Variants in MEGF11 observed in about 807,000 individuals in gnomAD.
MEGF11 encodes multiple EGF like domains 11.
MEGF11 carries 126 observed loss-of-function variants against 146.6 expected under a neutral mutation model. The ratio of observed to expected loss-of-function variants is 0.86; its 90% CI spans 0.74 to 1.00. The LOEUF is 1.00. Among genes scored for constraint, MEGF11 ranks in the 50% least tolerant of loss-of-function variants. MEGF11 has a pLI of 0.00. For missense variants in MEGF11, 1,509 were observed against 1,521.2 expected (o/e 0.99, Z 0.13); for synonymous variants, 532 against 583.4 (o/e 0.91, Z 1.27).
intron 1 of MEGF11, among the ~76,000 whole-genome samples, chr15:66,231,180 G>C (rs1183258432): frequency 2.0e-5 from 3 of 151,894 alleles, no homozygotes; most frequent in African/African-American, 7.3e-5. Context: ...GGAAATGCAG[G>C]CTGCAACAGA....
intron 5 of MEGF11, among the ~76,000 whole-genome samples, chr15:66,041,996 T>C (rs2083999781): frequency 6.6e-6 from 1 of 152,144 alleles, no homozygotes. Context: ...AGGGTTCATG[T>C]ACAAGATCCT....
intron 7 of MEGF11, 74 bp downstream of exon 7, chr15:65,980,703 AG>A: frequency 6.8e-7 from 1 of 1,470,096 alleles, no homozygotes; most frequent in Non-Finnish European, 9.0e-7. Context: ...CGGCTAGTTT[AG>A]CCTTTTAAGG....
chr15:66,031,943 G>A (rs1238278688), intron 5 of MEGF11, among the ~76,000 whole-genome samples: 1 of 152,238 alleles, frequency 6.6e-6, no homozygotes, highest in Non-Finnish European at 1.5e-5. Flanking sequence ...CAGCAGGTGA[G>A]CGAGCATTAC....
intron 4 of MEGF11, among the ~76,000 whole-genome samples, chr15:66,099,087 G>T (rs1290932669): frequency 6.6e-6 from 1 of 152,164 alleles, no homozygotes; most frequent in Non-Finnish European, 1.5e-5. Flanking sequence ...GGCTGATAAG[G>T]TAGAAGGACA....
At chr15:66,099,801 A>G (rs2086710552) in intron 4 of MEGF11, among the ~76,000 whole-genome samples, 1 of 152,178 alleles carries the variant, frequency 6.6e-6, no homozygotes, top group African/African-American at 2.4e-5. Flanking sequence ...GAGCATGCTC[A>G]GGCTCATTTC....
rs527612394 is a variant in MEGF11, at chr15:65,914,367, G to A, written c.2474-394C>T. On this transcript the variant is annotated intron_variant, in intron 19 of 25. Transcript: ENST00000395614. ...CAAGATTACATAACCTATAATTGGC[G>A]GAGTCAGGAAAAATTGAACACAGCT... is the stretch of plus-strand genomic sequence containing the variant. Among the ~76,000 whole-genome samples, 37 of 152,216 alleles carry A rather than the reference G, an allele frequency of 2.4e-4. No individual in the cohort carries two copies. In the South Asian group the frequency reaches 6.4e-3, roughly 26 times the overall value.
intron 5 of MEGF11, among the ~76,000 whole-genome samples, chr15:66,016,479 G>GTT (rs58588643): frequency 0.064 from 8,124 of 127,486 alleles, 472 homozygotes; most frequent in African/African-American, 0.14. Flanking sequence ...CATCCATTCA[G>GTT]TTTTTTTTTT....
chr15:66,037,957 C>G (rs187914226), intron 5 of MEGF11, among the ~76,000 whole-genome samples: 1 of 152,200 alleles, frequency 6.6e-6, no homozygotes, highest in East Asian at 1.9e-4. Context: ...GAATAATTAA[C>G]AGGAAATGTA....
chr15:65,899,776 A>C (rs2078447744), intron 24 of MEGF11, among the ~76,000 whole-genome samples: 1 of 152,160 alleles, frequency 6.6e-6, no homozygotes. Context: ...TGTCAATGCT[A>C]ACTGAAACCT....
intron 5 of MEGF11, among the ~76,000 whole-genome samples, chr15:66,065,701 G>A (rs1567224948): frequency 1.3e-5 from 2 of 152,182 alleles, no homozygotes; most frequent in Non-Finnish European, 2.9e-5. Flanking sequence ...TTGCATTATT[G>A]ATTGCAATAC....
intron 4 of MEGF11, among the ~76,000 whole-genome samples, chr15:66,099,853 C>T (rs1423515088): frequency 2.0e-5 from 3 of 151,918 alleles, no homozygotes; most frequent in Non-Finnish European, 2.9e-5. Context: ...AGGCAGGGAG[C>T]GGGTGGGGAG....
At chr15:66,192,263 T>C (rs986971872) in intron 1 of MEGF11, among the ~76,000 whole-genome samples, 13 of 151,344 alleles carry the variant, frequency 8.6e-5, no homozygotes, top group African/African-American at 3.2e-4. Context: ...AGGCCAGGAA[T>C]TGGAGACCAG....
chr15:66,169,396 G>A (rs1226334809), intron 1 of MEGF11, among the ~76,000 whole-genome samples: 1 of 152,246 alleles, frequency 6.6e-6, no homozygotes, highest in East Asian at 1.9e-4. Flanking sequence ...GGGACCAGCA[G>A]AGCCAAATGT....
At chr15:65,909,680 A>G (rs898307228) in intron 22 of MEGF11, 60 bp downstream of exon 22, 86 of 1,470,932 alleles carry the variant, frequency 5.8e-5, no homozygotes, top group Middle Eastern at 1.7e-4. Flanking sequence ...GTGCTTCTCA[A>G]TATGGAAGAA....
chr15:65,900,254 A>T (rs909127229), intron 24 of MEGF11, among the ~76,000 whole-genome samples: 1 of 152,216 alleles, frequency 6.6e-6, no homozygotes, highest in Non-Finnish European at 1.5e-5. Context: ...CACTAGAACT[A>T]CCACAGTTTA....
chr15:66,029,033 G>A (rs2083429287), intron 5 of MEGF11, among the ~76,000 whole-genome samples: 1 of 152,176 alleles, frequency 6.6e-6, no homozygotes, highest in South Asian at 2.1e-4. Flanking sequence ...TGATGTTTGG[G>A]GGTCTCCGAA....
At chr15:65,995,082 G>C (rs182574001) in intron 5 of MEGF11, among the ~76,000 whole-genome samples, 1 of 152,296 alleles carries the variant, frequency 6.6e-6, no homozygotes, top group East Asian at 1.9e-4. Context: ...AGTGGGATTT[G>C]ATCTGGGATC....
rs74022138 is a variant in MEGF11 at position 66,074,360 on chromosome 15, C to T, written c.394+20042G>A. 2.5e-3 allele frequency among the ~76,000 whole-genome samples: 386 copies of T among 152,318 alleles called. 3 individuals carry two copies. Among genetic ancestry groups the T allele is most frequent in the African/African-American group, 8.7e-3 (362 of 41,574 alleles). ...TAGACAGGTATAGCGCTAGTTCATT[C>T]ATTTTAACTGCTGTGGAGACTCCAT... On this transcript the variant is annotated intron_variant, in intron 5 of 25. Transcript: ENST00000395614.
intron 1 of MEGF11, among the ~76,000 whole-genome samples, chr15:66,194,500 C>A (rs761283294): frequency 6.6e-6 from 1 of 152,084 alleles, no homozygotes; most frequent in Admixed American, 6.6e-5. Flanking sequence ...CCCAGATAGT[C>A]AAGAGGCTGA....
Sources: gnomAD v4.1 joint callset for allele counts (sites outside exome capture counted in the v4.1 genomes callset) on GRCh38, gnomAD v4.1.1 for gene constraint, MANE v1.5 for transcripts, NCBI Gene and HGNC (gene_info 2026-07-23, HGNC 2026-07-21) for gene names.